The following PPEF2 variants were observed in gnomAD, a reference collection of about 807,000 sequenced individuals.
The protein encoded by PPEF2 is protein phosphatase with EF-hand domain 2.
A neutral mutation model predicts 84.7 loss-of-function variants in PPEF2; 84 were observed. That is an observed-to-expected ratio of 0.99 (90% CI 0.83 to 1.19). PPEF2 has a LOEUF of 1.19. PPEF2 is among the 50% of genes most tolerant of loss of function. The probability of loss-of-function intolerance (pLI) is 0.00; values close to 1 mark genes in which losing one functional copy is unlikely to be tolerated. For missense variants in PPEF2, 924 were observed against 937.5 expected, an observed-to-expected ratio of 0.99 and a Z score of 0.19; for synonymous variants, 346 against 345.2, an observed-to-expected ratio of 1.00 and a Z score of -0.03.
At chr4:75,881,410 T>C (rs560101261) in intron 10 of PPEF2, 7 of 152,224 alleles carry the variant, frequency 4.6e-5, no homozygotes, top group African/African-American at 1.7e-4. Context: ...CTACAAATAA[T>C]TTTTTAAAAA....
chr4:75,888,724 G>C lies in PPEF2; in HGVS notation c.418-396C>G, dbSNP rs140529394. On this transcript the variant is annotated intron_variant, in intron 5 of 16. Transcript: ENST00000286719. The stretch of plus-strand genomic sequence containing the variant: ...TCCTCCTGCAATGAGTTACATTCAT[G>C]TGGAAGAGGGGAAGGATTGAATTCT... Among the ~76,000 whole-genome samples, 797 of 152,314 alleles carry C rather than the reference G, an allele frequency of 5.2e-3. 5 individuals are homozygous for C. The highest frequency in any genetic ancestry group is 8.8e-3 in the Non-Finnish European group (601 of 68,022).
At chr4:75,897,510 T>C (rs977050600) in intron 1 of PPEF2, among the ~76,000 whole-genome samples, 1 of 152,074 alleles carries the variant, frequency 6.6e-6, no homozygotes, top group African/African-American at 2.4e-5. Flanking sequence ...TTCCAGGCCA[T>C]GTGCAGTGGC....
chr4:75,862,135 A>G (rs1312407168), intron 16 of PPEF2, among the ~76,000 whole-genome samples: 1 of 151,512 alleles, frequency 6.6e-6, no homozygotes, highest in African/African-American at 2.4e-5. Context: ...TCTACTAAAA[A>G]TACAAAAATT....
intron 1 of PPEF2, among the ~76,000 whole-genome samples, chr4:75,899,088 C>A (rs1350323430): frequency 2.6e-5 from 4 of 152,180 alleles, no homozygotes; most frequent in African/African-American, 9.7e-5. Context: ...TTAGCTCCCA[C>A]ATATGAGTGA....
intron 2 of PPEF2, 125 bp from the exon 3 acceptor site, chr4:75,892,103 C>T (rs1399705133): frequency 7.9e-7 from 1 of 1,262,580 alleles, no homozygotes; most frequent in Non-Finnish European, 1.1e-6. Context: ...GGAGCAGAAG[C>T]ACTACCCATT....
At chr4:75,862,863 A>G (rs1399620095) in intron 16 of PPEF2, among the ~76,000 whole-genome samples, 1 of 152,254 alleles carries the variant, frequency 6.6e-6, no homozygotes, top group African/African-American at 2.4e-5. Context: ...TGTTCATAGC[A>G]GCATTGTTCA....
intron 10 of PPEF2, among the ~76,000 whole-genome samples, chr4:75,879,209 C>A (rs1724504395): frequency 6.6e-6 from 1 of 152,092 alleles, no homozygotes; most frequent in African/African-American, 2.4e-5. Flanking sequence ...GTCTTGCTTG[C>A]CTTGCAATGT....
intron 12 of PPEF2, 105 bp downstream of exon 12, chr4:75,873,022 G>T: frequency 9.0e-7 from 1 of 1,116,018 alleles, no homozygotes; most frequent in Non-Finnish European, 1.3e-6. Context: ...CAAATACAAG[G>T]TCTGTAGGTT....
intron 2 of PPEF2, among the ~76,000 whole-genome samples, chr4:75,894,055 T>A (rs1724953655): frequency 6.6e-6 from 1 of 152,130 alleles, no homozygotes; most frequent in Non-Finnish European, 1.5e-5. Flanking sequence ...ATTATTAGGG[T>A]ACAAGTTACA....
At chr4:75,896,486 C>T in intron 1 of PPEF2, 103 bp from the exon 2 acceptor site, 1 of 708,240 alleles carries the variant, frequency 1.4e-6, no homozygotes. Flanking sequence ...CTCTCCACCT[C>T]TCCAGTCTAA....
At chr4:75,865,095 C>T (rs980406007) in intron 15 of PPEF2, among the ~76,000 whole-genome samples, 1 of 151,874 alleles carries the variant, frequency 6.6e-6, no homozygotes, top group Admixed American at 6.6e-5. Context: ...CACCACCATG[C>T]CCGGCTAATT....
rs1488439021 is a variant in PPEF2, at chr4:75,876,559, C to T, written c.1048G>A (p.Glu350Lys). ...AQGPIPWFLP[E>K]SRSLPSSPLR... ...GGCGAAGAGGGAAGAGAGCGGCTTT[C>T]GGGGAGAAACCATGGGATGGGTCCC... is the stretch of plus-strand genomic sequence containing the variant. The change falls in exon 11 of 17, where the codon GAA (glutamate) becomes AAA (lysine). Residue 350 changes from glutamate (E) to lysine (K), a missense_variant. Physicochemically the swap from Glu to Lys is moderately conservative, Grantham distance 56. Transcript: ENST00000286719. 5.6e-6 allele frequency: 9 copies of T among 1,613,938 alleles called. No homozygotes were observed. The highest frequency in any genetic ancestry group is 4.0e-5 in the African/African-American group (3 of 74,934).
intron 16 of PPEF2, among the ~76,000 whole-genome samples, chr4:75,861,516 C>G (rs1560477862): frequency 6.7e-6 from 1 of 148,760 alleles, no homozygotes; most frequent in Admixed American, 7.0e-5. Flanking sequence ...AAAAAACTAA[C>G]TCTATATGGA....
At chr4:75,873,975 G>A (rs1186599000) in intron 11 of PPEF2, among the ~76,000 whole-genome samples, 1 of 151,822 alleles carries the variant, frequency 6.6e-6, no homozygotes, top group African/African-American at 2.4e-5. Flanking sequence ...AGGCATGGAG[G>A]CACACACCTG....
At chr4:75,891,310 G>C (rs908139069) in intron 4 of PPEF2, among the ~76,000 whole-genome samples, 2 of 152,156 alleles carry the variant, frequency 1.3e-5, no homozygotes, top group African/African-American at 4.8e-5. Flanking sequence ...TTGCCTGCAG[G>C]GGGTATAATT....
intron 10 of PPEF2, among the ~76,000 whole-genome samples, chr4:75,880,963 C>A (rs1418891650): frequency 6.6e-6 from 1 of 151,802 alleles, no homozygotes; most frequent in Non-Finnish European, 1.5e-5. Flanking sequence ...CCATGCCCGG[C>A]TAATTTTTTT....
At chr4:75,901,464 TG>T (rs960688444) in intron 1 of PPEF2, among the ~76,000 whole-genome samples, 21 of 150,946 alleles carry the variant, frequency 1.4e-4, no homozygotes, top group Admixed American at 1.3e-3. Context: ...GAAGTTGTAG[TG>T]AGCCAAGATT....
intron 8 of PPEF2, among the ~76,000 whole-genome samples, chr4:75,883,817 C>CA (rs35897623): frequency 0.04 from 2,456 of 60,732 alleles, 227 homozygotes; most frequent in African/African-American, 0.14. Context: ...GACTCCGTCA[C>CA]AAAAAAAAAA....
intron 14 of PPEF2, among the ~76,000 whole-genome samples, chr4:75,867,060 C>A (rs1277698770): frequency 6.6e-6 from 1 of 152,194 alleles, no homozygotes; most frequent in East Asian, 1.9e-4. Context: ...TGGTTCTGGC[C>A]ATGTTATCCT....
Sources: allele counts gnomAD v4.1 joint callset (sites outside exome capture counted in the v4.1 genomes callset), GRCh38; gene constraint gnomAD v4.1.1; transcripts MANE v1.5; gene names NCBI Gene and HGNC (gene_info 2026-07-23, HGNC 2026-07-21).